The following GRIK2 variants were observed in gnomAD, a reference collection of about 807,000 sequenced individuals.
The protein encoded by GRIK2 is glutamate receptor ionotropic, kainate 2.
Under a neutral mutation model 100.3 loss-of-function variants are expected in GRIK2, and 32 were observed. The observed-to-expected ratio is 0.32, with a 90% CI of 0.24 to 0.43. GRIK2 has a LOEUF of 0.43. GRIK2 is among the 20% of genes least tolerant of loss of function. The pLI is 1.00. For missense variants in GRIK2, 843 were observed against 1,114.9 expected (o/e 0.76, Z 3.47); for synonymous variants, 417 against 389.4 (o/e 1.07, Z -0.83).
chr6:101,886,605 C>T (rs889090793), intron 11 of GRIK2, among the ~76,000 whole-genome samples: 3 of 151,472 alleles, frequency 2.0e-5, no homozygotes, highest in African/African-American at 7.3e-5. Flanking sequence ...GAATTTTTTT[C>T]TAACTTTTTT....
intron 2 of GRIK2, among the ~76,000 whole-genome samples, chr6:101,570,046 G>C (rs1777458822): frequency 6.6e-6 from 1 of 152,078 alleles, no homozygotes; most frequent in South Asian, 2.1e-4. Context: ...AAATGGCTAT[G>C]ATGCTTGAAA....
intron 7 of GRIK2, among the ~76,000 whole-genome samples, chr6:101,694,441 A>G (rs1772327040): frequency 6.6e-6 from 1 of 152,140 alleles, no homozygotes; most frequent in Non-Finnish European, 1.5e-5. Flanking sequence ...CTAATTAATT[A>G]AAAGATAATT....
Position 102,024,501 on chromosome 6 carries a change from A to T in GRIK2, c.2086-10840A>T, listed in dbSNP as rs184491446. Reference sequence around the variant, plus strand: ...AGCAAACATCTGTATCCAGGAAATGAATAGAAGACTGTAGTAAAATAAATC... The same window carrying T: ...AGCAAACATCTGTATCCAGGAAATGTATAGAAGACTGTAGTAAAATAAATC... On this transcript the variant is annotated intron_variant, in intron 14 of 16. Transcript: ENST00000369134. 7.1e-4 allele frequency among the ~76,000 whole-genome samples: 107 copies of T among 151,404 alleles called. 1 individual carries two copies. The highest frequency in any genetic ancestry group is 2.4e-3 in the African/African-American group (100 of 41,452).
intron 4 of GRIK2, among the ~76,000 whole-genome samples, chr6:101,627,117 CTGTG>C (rs111285339): frequency 0.011 from 1,539 of 145,002 alleles, 21 homozygotes; most frequent in Middle Eastern, 0.04. Context: ...GTGTGTGTCT[CTGTG>C]TGTGTGTGTG....
rs1297333741 is a variant in GRIK2, at chr6:101,486,390, GC to G, written c.115+86999del. ...AGGTAAGGTTGCATGAGGGGGTGGG[GC>G]GGGGGGGGGAAGCTAAGTAGATTAT... On this transcript the variant is annotated intron_variant, in intron 2 of 16. Coordinates refer to ENST00000369134, the MANE Select transcript of GRIK2 (RefSeq NM_021956.5). 1.3e-3 allele frequency among the ~76,000 whole-genome samples: 161 copies of G among 124,758 alleles called. 3 individuals are homozygous for G. The East Asian group carries it at 0.034, about 26-fold the overall frequency. 81.8% of individuals were successfully genotyped at this position (124,758 alleles called of 152,430 possible). A position where few individuals can be genotyped will look rare whatever the true frequency, so the allele number is the denominator to read the frequency against.
intron 7 of GRIK2, among the ~76,000 whole-genome samples, chr6:101,746,131 A>G (rs1169504566): frequency 6.6e-6 from 1 of 152,188 alleles, no homozygotes; most frequent in East Asian, 1.9e-4. Context: ...TATTTAGTTG[A>G]ATAATAATTC....
chr6:102,021,364 A>C (rs1769415177), intron 14 of GRIK2, among the ~76,000 whole-genome samples: 2 of 151,654 alleles, frequency 1.3e-5, no homozygotes, highest in African/African-American at 4.8e-5. Context: ...CTTTATTTTT[A>C]GTTTATCTGA....
At chr6:101,955,572 G>A (rs943828770) in intron 14 of GRIK2, among the ~76,000 whole-genome samples, 2 of 117,972 alleles carry the variant, frequency 1.7e-5, no homozygotes, top group African/African-American at 6.8e-5. Context: ...AACAGAGCAA[G>A]GCCTTCTCTC....
At chr6:101,587,513 G>A (rs1224693778) in intron 2 of GRIK2, among the ~76,000 whole-genome samples, 1 of 151,992 alleles carries the variant, frequency 6.6e-6, no homozygotes, top group Admixed American at 6.6e-5. Flanking sequence ...GAATGAGGAA[G>A]CAGTTATATT....
intron 2 of GRIK2, among the ~76,000 whole-genome samples, chr6:101,534,100 G>T (rs1031269484): frequency 1.3e-5 from 2 of 151,424 alleles, no homozygotes; most frequent in Middle Eastern, 6.8e-3. Flanking sequence ...TATGGATTAA[G>T]TTAATCAGAA....
chr6:101,549,735 G>A (rs909250259), intron 2 of GRIK2, among the ~76,000 whole-genome samples: 5 of 152,106 alleles, frequency 3.3e-5, no homozygotes, highest in African/African-American at 1.2e-4. Context: ...ATCATATGCA[G>A]TACCAAAGTA....
chr6:101,395,940 A>G (rs942986824), intron 1 of GRIK2, among the ~76,000 whole-genome samples: 3 of 152,206 alleles, frequency 2.0e-5, no homozygotes, highest in Non-Finnish European at 4.4e-5. Context: ...AAATGAGACC[A>G]TAGAATAAAA....
At chr6:101,713,061 A>G (rs1773826324) in intron 7 of GRIK2, among the ~76,000 whole-genome samples, 2 of 151,830 alleles carry the variant, frequency 1.3e-5, no homozygotes, top group Admixed American at 1.3e-4. Context: ...GTCACAAAGA[A>G]TAAAGAATAA....
At chr6:101,419,961 T>C (rs948979559) in intron 2 of GRIK2, among the ~76,000 whole-genome samples, 2 of 152,168 alleles carry the variant, frequency 1.3e-5, no homozygotes, top group Admixed American at 6.5e-5. Context: ...GTTCACTTCA[T>C]CCCCAAATAA....
chr6:101,585,367 T>C (rs983699158), intron 2 of GRIK2, among the ~76,000 whole-genome samples: 3 of 152,076 alleles, frequency 2.0e-5, no homozygotes, highest in Non-Finnish European at 4.4e-5. Flanking sequence ...AGTCCACTGG[T>C]CCACTATGAT....
At chr6:101,963,861 C>T (rs1276927096) in intron 14 of GRIK2, among the ~76,000 whole-genome samples, 1 of 151,744 alleles carries the variant, frequency 6.6e-6, no homozygotes, top group Non-Finnish European at 1.5e-5. Context: ...CAGAGAGTAC[C>T]CTTCAACTTG....
rs2852545 is a variant in GRIK2 at position 101,524,899 on chromosome 6, T to C, written c.116-97050T>C. On this transcript the variant is annotated intron_variant, in intron 2 of 16. Transcript: ENST00000369134. ...GGCACCTGACACTACGCCTGGCTAA[T>C]TTTTTGTATTTTTAGTAGAGATGGG... is the stretch of plus-strand genomic sequence containing the variant. Among the ~76,000 whole-genome samples, 1,436 of 151,946 alleles carry C rather than the reference T, an allele frequency of 9.5e-3. 18 individuals carry two copies. Among genetic ancestry groups the C allele is most frequent in the Middle Eastern group, 0.031 (9 of 294 alleles).
Position 101,903,387 on chromosome 6 carries a change from C to T in GRIK2, c.1748+13524C>T, listed in dbSNP as rs1245542375. Among the ~76,000 whole-genome samples, 4 of 151,910 alleles carry T rather than the reference C, an allele frequency of 2.6e-5. No individual in the cohort carries two copies. The East Asian group carries it at 5.8e-4, about 22-fold the overall frequency. On this transcript the variant is annotated intron_variant, in intron 12 of 16. Coordinates refer to ENST00000369134, the MANE Select transcript of GRIK2 (RefSeq NM_021956.5). ...TCTCAAAATTTTTATTTCAAGTGCT[C>T]ATTTCTGAAATTTTCTTTTTCCTTC...
At chr6:101,890,976 CATATATATATAT>C (rs61125711) in intron 12 of GRIK2, among the ~76,000 whole-genome samples, 107,683 of 146,782 alleles carry the variant, frequency 0.73, 39,764 homozygotes, top group African/African-American at 0.88. Flanking sequence ...ATAAAGTGTA[CATATATATATAT>C]ATATATATAT....
Sources: gnomAD v4.1 joint callset for allele counts (sites outside exome capture counted in the v4.1 genomes callset) on GRCh38, gnomAD v4.1.1 for gene constraint, MANE v1.5 for transcripts, NCBI Gene and HGNC (gene_info 2026-07-23, HGNC 2026-07-21) for gene names.